The following ABR variants were observed in gnomAD, a reference collection of about 807,000 sequenced individuals.
ABR encodes active breakpoint cluster region-related protein.
A neutral mutation model predicts 107.2 loss-of-function variants in ABR; 35 were observed. The observed-to-expected ratio is 0.33, with a 90% CI of 0.25 to 0.43. The LOEUF is 0.43. Among genes scored for constraint, ABR ranks in the 20% least tolerant of loss-of-function variants. The pLI is 1.00. For synonymous variants in ABR, 498 were observed against 462.0 expected (o/e 1.08, Z -1.00); for missense variants, 815 against 1,115.2 (o/e 0.73, Z 3.83).
intron 4 of ABR, among the ~76,000 whole-genome samples, chr17:1,089,573 C>T (rs1178474452): frequency 6.6e-6 from 1 of 152,172 alleles, no homozygotes; most frequent in African/African-American, 2.4e-5. Context: ...CCCTCCATGC[C>T]CTTCCGAGTT....
intron 1 of ABR, among the ~76,000 whole-genome samples, chr17:1,219,511 C>T (rs2043076580): frequency 6.7e-6 from 1 of 149,250 alleles, no homozygotes; most frequent in African/African-American, 2.5e-5. Context: ...TTCATTTTTG[C>T]GGTCCTTATT....
rs1189422404 is a variant in ABR at position 1,179,870 on chromosome 17, G to C, written c.-143C>G. The C allele has an allele frequency of 1.2e-6, 1 of 809,500 alleles. No homozygotes were observed. The highest frequency in any genetic ancestry group is 1.8e-6 in the Non-Finnish European group (1 of 570,628). The allele number at this position is 809,500 out of a possible 1,614,324, so 50.1% of individuals were successfully genotyped here. On this transcript the variant is annotated 5_prime_UTR_variant, in exon 1 of 23. Coordinates refer to ENST00000302538, the MANE Select transcript of ABR (RefSeq NM_021962.5). This position sits in a 1 kb window ranked among gnomAD's most constrained non-coding sequence, Gnocchi z 4.9. ...GGAACCAGGTCCCCGGGAGGAGCGC[G>C]GGGCGGCCGGGGCAGGGGCGAGGGC... is the stretch of plus-strand genomic sequence containing the variant.
At chr17:1,076,223 C>T (rs1171140796) in intron 6 of ABR, among the ~76,000 whole-genome samples, 2 of 152,178 alleles carry the variant, frequency 1.3e-5, no homozygotes, top group South Asian at 2.1e-4. Context: ...AAATACACTT[C>T]ATATGACATA....
chr17:1,014,794 G>C (rs560592439), intron 16 of ABR, among the ~76,000 whole-genome samples: 3 of 149,800 alleles, frequency 2.0e-5, no homozygotes, highest in Non-Finnish European at 4.5e-5. Context: ...TGCAGTGAGC[G>C]GAGATCACAC....
At position 1,010,931 on chromosome 17, in the gene ABR, T is replaced by C; in HGVS notation, c.2102-68A>G. On this transcript the variant is annotated intron_variant, in intron 19 of 22. Coordinates refer to ENST00000302538, the MANE Select transcript of ABR (RefSeq NM_021962.5). This position sits in a 1 kb window ranked among gnomAD's most constrained non-coding sequence, Gnocchi z 4.1. ...GCAGCCCCGTTCCACCCCCGACCCA[T>C]CCTGACACAGCCCCCACCCACTCCA... 6.3e-7 allele frequency: 1 copy of C among 1,589,404 alleles called. No individual in the cohort carries two copies. The highest frequency in any genetic ancestry group is 8.6e-7 in the Non-Finnish European group (1 of 1,168,378).
rs528607647 is a variant in ABR, at chr17:1,021,391, C to T, written c.1792-8227G>A. On this transcript the variant is annotated intron_variant, in intron 16 of 22. Transcript: ENST00000302538. ...CTGCCTCCAGGCACAGCCCTGCCCT[C>T]GGGGGCCGCCCCATCCTGCCTCTCA... Among the ~76,000 whole-genome samples the T allele has an allele frequency of 1.3e-4, 20 of 152,322 alleles. No homozygotes were observed. The South Asian group carries it at 1.9e-3, about 14-fold the overall frequency.
At chr17:1,121,536 A>G (rs921988882) in intron 2 of ABR, among the ~76,000 whole-genome samples, 8 of 137,200 alleles carry the variant, frequency 5.8e-5, no homozygotes, top group Non-Finnish European at 1.2e-4. Flanking sequence ...GTGGGATGGG[A>G]GCTGAGTCCC....
rs1273119071 is a variant in ABR at position 1,067,061 on chromosome 17, A to G, written c.1182+16T>C. The G allele has an allele frequency of 6.2e-7, 1 of 1,611,536 alleles. No individual in the cohort carries two copies. Among genetic ancestry groups the G allele is most frequent in the South Asian group, 1.1e-5 (1 of 90,468 alleles). The stretch of plus-strand genomic sequence containing the variant: ...GGCTCAAAGGGCCCCAGGCTCAGAT[A>G]CCAAGCTCTGCTCACCTCCTTCTGG... On this transcript the variant is annotated intron_variant, in intron 10 of 22. Coordinates refer to ENST00000302538, the MANE Select transcript of ABR (RefSeq NM_021962.5).
In ABR at chr17:1,011,664, G is replaced by A. The variant is rs1409885952; in HGVS notation, c.2101+182C>T. On this transcript the variant is annotated intron_variant, in intron 19 of 22. Coordinates refer to ENST00000302538, the MANE Select transcript of ABR (RefSeq NM_021962.5). This position sits in a 1 kb window ranked among gnomAD's most constrained non-coding sequence, Gnocchi z 4.8. ...TGTGAGTTTCTGCAGTTGCTTACCT[G>A]CAGCAAGGGACAAGAGATTGGAGGG... The A allele has an allele frequency of 9.2e-6, 6 of 651,898 alleles. 1 individual carries two copies. The highest frequency in any genetic ancestry group is 1.0e-4 in the South Asian group (2 of 19,924). 40.4% of individuals were successfully genotyped at this position (651,898 alleles called of 1,614,324 possible). A position where few individuals can be genotyped will look rare whatever the true frequency, so the allele number is the denominator to read the frequency against.
chr17:1,066,283 T>A (rs1329895318), intron 10 of ABR, among the ~76,000 whole-genome samples: 1 of 152,214 alleles, frequency 6.6e-6, no homozygotes, highest in African/African-American at 2.4e-5. Context: ...CTTAGTGGCC[T>A]ATTATAGGAT....
intron 4 of ABR, among the ~76,000 whole-genome samples, chr17:1,087,543 AGGGCGGGGCCTGAGTTTTAAAGG>A (rs1293920790): frequency 3.7e-5 from 3 of 81,856 alleles, no homozygotes; most frequent in Admixed American, 1.4e-4. Context: ...CTTTTAAAAG[AGGGCGGGGCCTGAGTTTTAAAGG>A]GGGTGGGGCC....
rs28706219 is a variant in ABR, at chr17:1,065,781, T to C, written c.1182+1296A>G. 4.2e-3 allele frequency among the ~76,000 whole-genome samples: 622 copies of C among 147,522 alleles called. 7 individuals are homozygous for C. The highest frequency in any genetic ancestry group is 0.015 in the African/African-American group (598 of 39,896). Reference sequence around the variant, plus strand: ...TTTTTTTTTTGAGACAGTCTCACTCTGTTGCTCAGGCTGGAGTGCAGCAGC... The same window carrying C: ...TTTTTTTTTTGAGACAGTCTCACTCCGTTGCTCAGGCTGGAGTGCAGCAGC... On this transcript the variant is annotated intron_variant, in intron 10 of 22. Transcript: ENST00000302538.
chr17:1,211,734 A>G (rs1265215611), intron 1 of ABR, among the ~76,000 whole-genome samples: 2 of 152,184 alleles, frequency 1.3e-5, no homozygotes, highest in African/African-American at 4.8e-5. Context: ...CTTTACTGCC[A>G]TAAGGTGGTA....
Position 1,006,125 on chromosome 17 carries a change from GA to G in ABR, c.2534del (p.Phe845SerfsTer39). On this transcript the variant is annotated frameshift_variant, in exon 23 of 23. Coordinates refer to ENST00000302538, the MANE Select transcript of ABR (RefSeq NM_021962.5). LOFTEE classifies it high-confidence loss of function. ...ACAGTGTGTTCCGCTTGAGTTCTGC[GA>G]AGGAAATGGGGGGGTGCTGCAGGTA... The part of the protein sequence containing the change: ...LYYLQHPPIS[F>X]AELKRNTLYF... The G allele has an allele frequency of 6.3e-7, 1 of 1,588,608 alleles. No individual in the cohort carries two copies. The highest frequency in any genetic ancestry group is 2.3e-5 in the East Asian group (1 of 43,768).
intron 2 of ABR, among the ~76,000 whole-genome samples, chr17:1,113,368 C>G (rs1012238568): frequency 1.4e-5 from 2 of 138,714 alleles, no homozygotes; most frequent in Non-Finnish European, 3.0e-5. Flanking sequence ...CTCACTGCAA[C>G]CTCCGCCTCC....
chr17:1,011,586 G>A lies in ABR; in HGVS notation c.2101+260C>T, dbSNP rs751658599. ...CACTGGAGTCAGATCTGAGTTTTAA[G>A]TCCAGAACCAAAACCTACAAGTTGG... On this transcript the variant is annotated intron_variant, in intron 19 of 22. Transcript: ENST00000302538. The surrounding 1 kb of genome is among the most constrained non-coding windows in gnomAD (Gnocchi z 4.8). The A allele has an allele frequency of 3.5e-4, 120 of 341,304 alleles. No individual in the cohort carries two copies. The highest frequency in any genetic ancestry group is 9.0e-5 in the Non-Finnish European group (17 of 189,026). The allele number at this position is 341,304 out of a possible 1,614,324, so 21.1% of individuals were successfully genotyped here. A position where few individuals can be genotyped will look rare whatever the true frequency, so the allele number is the denominator to read the frequency against.
chr17:1,194,907 C>T (rs62087721), intron 1 of ABR, among the ~76,000 whole-genome samples: 10,414 of 94,232 alleles, frequency 0.11, 927 homozygotes, highest in East Asian at 0.25. Flanking sequence ...CCACCTCGGC[C>T]TCCTAAAGTG....
chr17:1,225,170 AAAAG>A (rs1248243081), intron 1 of ABR, among the ~76,000 whole-genome samples: 42 of 143,346 alleles, frequency 2.9e-4, no homozygotes, highest in Admixed American at 9.4e-4. Context: ...AAAAGAAAAG[AAAAG>A]AAAGAAAGAA....
chr17:1,109,149 G>A, intron 2 of ABR: 1 of 1,461,246 alleles, frequency 6.8e-7, no homozygotes, highest in Non-Finnish European at 9.1e-7. Context: ...GAGGAGGCGG[G>A]CGGGAGGGGG....
Sources: gnomAD v4.1 joint callset for allele counts (sites outside exome capture counted in the v4.1 genomes callset) on GRCh38, gnomAD v4.1.1 for gene constraint, Gnocchi (gnomAD v3.1) non-coding constraint, MANE v1.5 for transcripts, NCBI Gene and HGNC (gene_info 2026-07-23, HGNC 2026-07-21) for gene names.